The following CNTN5 variants were observed in gnomAD, a reference collection of about 807,000 sequenced individuals.
CNTN5 encodes the protein contactin-5.
A neutral mutation model predicts 129.1 loss-of-function variants in CNTN5; 77 were observed. The ratio of observed to expected loss-of-function variants is 0.60; its 90% CI spans 0.50 to 0.72. The LOEUF (loss-of-function observed/expected upper bound fraction) is 0.72, where lower values mean the gene tolerates loss of function less well. CNTN5 is among the 30% of genes least tolerant of loss of function. The probability of loss-of-function intolerance (pLI) is 0.00; values close to 1 mark genes in which losing one functional copy is unlikely to be tolerated. For missense variants in CNTN5, 1,478 were observed against 1,328.8 expected, an observed-to-expected ratio of 1.11 and a Z score of -1.75; for synonymous variants, 509 against 465.6, an observed-to-expected ratio of 1.09 and a Z score of -1.20.
intron 1 of CNTN5, among the ~76,000 whole-genome samples, chr11:99,108,672 T>G (rs1489793429): frequency 6.6e-6 from 1 of 152,202 alleles, no homozygotes; most frequent in Non-Finnish European, 1.5e-5. Flanking sequence ...TTTATAAAAG[T>G]GGCTTGACTT....
chr11:99,824,442 T>A lies in CNTN5; in HGVS notation c.277+4677T>A, dbSNP rs1946892120. ...TTATTCATATATGTTGACTGTTATT[T>A]CTGTTAGAATATTTTACTTACATTT... is the stretch of plus-strand genomic sequence containing the variant. On this transcript the variant is annotated intron_variant, in intron 4 of 24. Transcript: ENST00000524871. Among the ~76,000 whole-genome samples, 2 of 152,052 alleles carry A rather than the reference T, an allele frequency of 1.3e-5. 1 individual carries two copies. Among genetic ancestry groups the A allele is most frequent in the South Asian group, 4.1e-4 (2 of 4,836 alleles).
At chr11:99,456,240 T>C (rs1944492352) in intron 2 of CNTN5, among the ~76,000 whole-genome samples, 1 of 152,168 alleles carries the variant, frequency 6.6e-6, no homozygotes, top group African/African-American at 2.4e-5. Flanking sequence ...TGAGAGTTCA[T>C]TTAAAAGGAT....
chr11:100,204,752 A>G (rs1008871835), intron 15 of CNTN5, among the ~76,000 whole-genome samples: 1 of 152,116 alleles, frequency 6.6e-6, no homozygotes, highest in African/African-American at 2.4e-5. Flanking sequence ...TCTGGAGATA[A>G]TAATCACAGG....
chr11:99,126,565 A>G (rs1858644341), intron 1 of CNTN5, among the ~76,000 whole-genome samples: 1 of 152,166 alleles, frequency 6.6e-6, no homozygotes. Context: ...ATGTCCAACC[A>G]GGTAAGAGCG....
intron 8 of CNTN5, among the ~76,000 whole-genome samples, chr11:99,996,284 G>C (rs540255212): frequency 4.3e-4 from 66 of 152,080 alleles, no homozygotes; most frequent in African/African-American, 1.6e-3. Flanking sequence ...TAATGTCATT[G>C]ATTTATTTGT....
chr11:100,285,647 T>C (rs935205688), intron 18 of CNTN5, among the ~76,000 whole-genome samples: 6 of 152,216 alleles, frequency 3.9e-5, no homozygotes, highest in African/African-American at 1.2e-4. Context: ...GTCTTTGCTT[T>C]CTAGTTATTT....
chr11:99,830,114 AC>A (rs1947091083), intron 4 of CNTN5, among the ~76,000 whole-genome samples: 1 of 152,008 alleles, frequency 6.6e-6, no homozygotes, highest in Non-Finnish European at 1.5e-5. Flanking sequence ...GATAGGTCAA[AC>A]TTTTTTCGGG....
rs376265407 is a variant in CNTN5, at chr11:100,177,627, G to C, written c.1581-13499G>C. Among the ~76,000 whole-genome samples, 13 of 152,204 alleles carry C rather than the reference G, an allele frequency of 8.5e-5. No individual in the cohort carries two copies. In the East Asian group the frequency reaches 2.3e-3, roughly 27 times the overall value. On this transcript the variant is annotated intron_variant, in intron 13 of 24. Transcript: ENST00000524871. ...CTTAGATACCACTTTCACCTGAAAG[G>C]TGTGTCTCTGTTTAGCACTTATCTC...
intron 1 of CNTN5, among the ~76,000 whole-genome samples, chr11:99,257,279 C>A (rs899901692): frequency 6.6e-6 from 1 of 152,120 alleles, no homozygotes; most frequent in Non-Finnish European, 1.5e-5. Context: ...AAGGGTAGGT[C>A]AAATTCCATT....
At chr11:99,468,548 T>C (rs758770776) in intron 2 of CNTN5, among the ~76,000 whole-genome samples, 7 of 152,158 alleles carry the variant, frequency 4.6e-5, no homozygotes, top group Admixed American at 2.6e-4. Flanking sequence ...GGTTAGGCAA[T>C]GTAGCCTGCA....
At chr11:99,310,355 G>C (rs1257875975) in intron 1 of CNTN5, among the ~76,000 whole-genome samples, 1 of 152,018 alleles carries the variant, frequency 6.6e-6, no homozygotes, top group East Asian at 1.9e-4. Flanking sequence ...TATGTTTTCA[G>C]AAAGACATTT....
intron 21 of CNTN5, among the ~76,000 whole-genome samples, chr11:100,313,307 C>G (rs972280110): frequency 4.6e-5 from 7 of 151,718 alleles, no homozygotes; most frequent in Admixed American, 2.6e-4. Context: ...TAGACTTCAG[C>G]CAAAGCAGTG....
chr11:99,408,869 T>C (rs192586951), intron 2 of CNTN5, among the ~76,000 whole-genome samples: 3 of 152,318 alleles, frequency 2.0e-5, no homozygotes, highest in Admixed American at 2.0e-4. Context: ...TAGGTAATCT[T>C]TAACTATTTT....
At chr11:99,818,546 G>A (rs886668239) in intron 3 of CNTN5, among the ~76,000 whole-genome samples, 3 of 150,924 alleles carry the variant, frequency 2.0e-5, no homozygotes, top group East Asian at 2.1e-4. Context: ...ATGAGCCGAC[G>A]TGCCTGGCCA....
chr11:99,161,559 A>G (rs1860611719), intron 1 of CNTN5, among the ~76,000 whole-genome samples: 1 of 152,164 alleles, frequency 6.6e-6, no homozygotes, highest in African/African-American at 2.4e-5. Context: ...CTCTTTAAGA[A>G]TGGTAGAGCA....
chr11:99,595,535 G>A (rs1950099742), intron 3 of CNTN5, among the ~76,000 whole-genome samples: 1 of 151,978 alleles, frequency 6.6e-6, no homozygotes, highest in Non-Finnish European at 1.5e-5. Context: ...AATAGGTAAA[G>A]TGCAATATTA....
At chr11:99,500,918 A>C (rs1473041286) in intron 2 of CNTN5, among the ~76,000 whole-genome samples, 2 of 152,162 alleles carry the variant, frequency 1.3e-5, no homozygotes, top group Non-Finnish European at 2.9e-5. Context: ...AGCTATATGA[A>C]AGTTATTTTT....
chr11:99,884,060 G>A (rs1284733719), intron 6 of CNTN5, among the ~76,000 whole-genome samples: 5 of 152,080 alleles, frequency 3.3e-5, no homozygotes, highest in Non-Finnish European at 7.4e-5. Context: ...TAGCTGTAAC[G>A]GCCCCCAAAC....
intron 9 of CNTN5, among the ~76,000 whole-genome samples, chr11:100,044,099 T>TAC (rs146072594): frequency 0.26 from 35,965 of 140,704 alleles, 4,900 homozygotes; most frequent in East Asian, 0.47. Context: ...AGTGTATATA[T>TAC]ACACACACAC....
Sources: allele counts gnomAD v4.1 joint callset (sites outside exome capture counted in the v4.1 genomes callset), GRCh38; gene constraint gnomAD v4.1.1; transcripts MANE v1.5; gene names NCBI Gene and HGNC (gene_info 2026-07-23, HGNC 2026-07-21).